Variants in YWHAZ observed in about 807,000 individuals in gnomAD.
The protein encoded by YWHAZ is tyrosine 3-monooxygenase/tryptophan 5-monooxygenase activation protein zeta.
For missense variants in YWHAZ, 79 were observed against 284.8 expected, an observed-to-expected ratio of 0.28 and a Z score of 5.20; for synonymous variants, 87 against 103.6, an observed-to-expected ratio of 0.84 and a Z score of 0.97.
intron 1 of YWHAZ, chr8:100,951,279 G>C (rs941892715): frequency 3.3e-5 from 32 of 984,564 alleles, no homozygotes; most frequent in South Asian, 2.8e-4. Context: ...GCCCGCTCTC[G>C]GCCAGGCCTT....
chr8:100,947,816 A>G (rs900251362), intron 2 of YWHAZ, among the ~76,000 whole-genome samples: 1 of 152,230 alleles, frequency 6.6e-6, no homozygotes, highest in Non-Finnish European at 1.5e-5. Context: ...ACCATTTAGT[A>G]AAACCACTTT....
chr8:100,920,821 A>T (rs1812973090), intron 5 of YWHAZ, 69 bp from the exon 6 acceptor site: 1 of 1,177,866 alleles, frequency 8.5e-7, no homozygotes, highest in African/African-American at 1.5e-5. Context: ...TTTTCATATA[A>T]GTGCCAAGAT....
chr8:100,945,248 C>T (rs1365266565), intron 2 of YWHAZ, among the ~76,000 whole-genome samples: 15 of 152,194 alleles, frequency 9.9e-5, no homozygotes, highest in Non-Finnish European at 1.5e-5. Flanking sequence ...TCTATTTACT[C>T]TTGTAATATG....
intron 5 of YWHAZ, 182 bp downstream of exon 5, chr8:100,923,773 T>G (rs1056922259): frequency 2.1e-6 from 1 of 479,662 alleles, no homozygotes; most frequent in African/African-American, 2.0e-5. Context: ...CAGTCTAATA[T>G]TTCAGTTTCT....
At position 100,948,228 on chromosome 8, in the gene YWHAZ, A is replaced by G. The variant is rs1810452901; in HGVS notation, c.294+368T>C. On this transcript the variant is annotated intron_variant, in intron 2 of 5. Coordinates refer to ENST00000395958, the MANE Select transcript of YWHAZ (RefSeq NM_145690.3). This position sits in a 1 kb window ranked among gnomAD's most constrained non-coding sequence, Gnocchi z 4.2. ...CTATTACATCTCTCTTACCTAAAGT[A>G]TGTAAAATTCCTTTATCCACAGATG... 8.2e-7 allele frequency: 1 copy of G among 1,226,348 alleles called. No homozygotes were observed. The allele number at this position is 1,226,348 out of a possible 1,614,324, so 76.0% of individuals were successfully genotyped here.
intron 1 of YWHAZ, among the ~76,000 whole-genome samples, chr8:100,949,572 A>C (rs1022184689): frequency 1.3e-5 from 2 of 152,146 alleles, no homozygotes; most frequent in Non-Finnish European, 2.9e-5. Flanking sequence ...CTAATGTCTC[A>C]ACTCTTTATC....
rs1051787289 is a variant in YWHAZ at position 100,918,117 on chromosome 8, C to G, written c.*2576G>C. The G allele has an allele frequency of 1.3e-5, 2 of 151,622 alleles. No homozygotes were observed. Among genetic ancestry groups the G allele is most frequent in the East Asian group, 3.9e-4 (2 of 5,132 alleles). 9.4% of individuals were successfully genotyped at this position (151,622 alleles called of 1,614,324 possible). On this transcript the variant is annotated 3_prime_UTR_variant, in exon 6 of 6. Coordinates refer to ENST00000395958, the MANE Select transcript of YWHAZ (RefSeq NM_145690.3). ...CAGCACTTTGGGAGGTTGAGATGGG[C>G]GGATTGCCTGAGGTCGGGAATTCAA...
rs397764448 is a variant in YWHAZ, at chr8:100,920,801, G to C, written c.679-49C>G. On this transcript the variant is annotated intron_variant, in intron 5 of 5. Coordinates refer to ENST00000395958, the MANE Select transcript of YWHAZ (RefSeq NM_145690.3). ...TCAGCAAGTTTCAGTGGGATGGGGG[G>C]GGGGGGGCGTTTTCATATAAGTGCC... 5.9e-5 allele frequency: 53 copies of C among 903,082 alleles called. 13 individuals carry two copies. The highest frequency in any genetic ancestry group is 1.9e-4 in the Admixed American group (9 of 47,188). The allele number at this position is 903,082 out of a possible 1,614,324, so 55.9% of individuals were successfully genotyped here.
intron 2 of YWHAZ, among the ~76,000 whole-genome samples, chr8:100,946,698 T>TA (rs1388905479): frequency 6.6e-6 from 1 of 152,156 alleles, no homozygotes; most frequent in African/African-American, 2.4e-5. Flanking sequence ...AGCGTGTTAG[T>TA]AAAAGGTAAA....
Position 100,937,998 on chromosome 8 carries a change from C to T in YWHAZ, c.294+10598G>A, listed in dbSNP as rs1184331462. On this transcript the variant is annotated intron_variant, in intron 2 of 5. Transcript: ENST00000395958. ...ATACAGAATTAGCTGGGCGTGGTGG[C>T]GCATGCCTGTAATCCCAGCTATCCA... 3.9e-5 allele frequency among the ~76,000 whole-genome samples: 6 copies of T among 152,182 alleles called. No individual in the cohort carries two copies. In the South Asian group the frequency reaches 1.2e-3, roughly 32 times the overall value.
intron 2 of YWHAZ, among the ~76,000 whole-genome samples, chr8:100,936,520 A>G (rs1487439593): frequency 6.6e-6 from 1 of 152,190 alleles, no homozygotes; most frequent in Non-Finnish European, 1.5e-5. Context: ...TTAATCATGA[A>G]GAATCACCAG....
At chr8:100,950,373 G>C (rs1435502216) in intron 1 of YWHAZ, 1 of 985,306 alleles carries the variant, frequency 1.0e-6, no homozygotes, top group Non-Finnish European at 1.2e-6. Flanking sequence ...TCTACACTGC[G>C]GGCAGGACTC....
rs565652914 is a variant in YWHAZ, at chr8:100,916,583, T to C, written c.*4110A>G. 1 of 152,340 alleles carries C rather than the reference T, an allele frequency of 6.6e-6. No homozygotes were observed. Among genetic ancestry groups the C allele is most frequent in the Non-Finnish European group, 1.5e-5 (1 of 68,030 alleles). The allele number at this position is 152,340 out of a possible 1,614,324, so 9.4% of individuals were successfully genotyped here. The stretch of plus-strand genomic sequence containing the variant: ...GCACAAACTGAAAATTCATAGGGTT[T>C]TAAATTCTAAAATTCGGAATACTAA... On this transcript the variant is annotated 3_prime_UTR_variant, in exon 6 of 6. Transcript: ENST00000395958.
chr8:100,924,820 A>G lies in YWHAZ; in HGVS notation c.418+96T>C. On this transcript the variant is annotated intron_variant, in intron 3 of 5. Coordinates refer to ENST00000395958, the MANE Select transcript of YWHAZ (RefSeq NM_145690.3). The surrounding 1 kb of genome is among the most constrained non-coding windows in gnomAD (Gnocchi z 5.7). ...ACTGCTACTCCTTATTCGGCACTCT[A>G]AGCAATTCAAAACAAGACATTATGT... 1 of 1,512,894 alleles carries G rather than the reference A, an allele frequency of 6.6e-7. No homozygotes were observed. 93.7% of individuals were successfully genotyped at this position (1,512,894 alleles called of 1,614,324 possible).
intron 2 of YWHAZ, among the ~76,000 whole-genome samples, chr8:100,933,825 T>A (rs758996530): frequency 6.6e-6 from 1 of 152,032 alleles, no homozygotes; most frequent in Non-Finnish European, 1.5e-5. Flanking sequence ...CTAAGCAATA[T>A]AGCAAGACCC....
upstream of YWHAZ, chr8:100,952,146 T>G (rs1351554101): frequency 1.0e-6 from 1 of 985,400 alleles, no homozygotes; most frequent in Admixed American, 6.1e-5. Context: ...AACCGTTGAT[T>G]GGTGCCCACA....
At chr8:100,932,117 T>C (rs1345823719) in intron 2 of YWHAZ, 1 of 152,184 alleles carries the variant, frequency 6.6e-6, no homozygotes, top group Non-Finnish European at 1.5e-5. Context: ...ATATTAGTAG[T>C]AGACATAATG....
At chr8:100,943,960 C>A (rs1428297095) in intron 2 of YWHAZ, among the ~76,000 whole-genome samples, 1 of 136,956 alleles carries the variant, frequency 7.3e-6, no homozygotes, top group Non-Finnish European at 1.5e-5. Context: ...GCACTCCAGC[C>A]TAGGCGACAG....
intron 1 of YWHAZ, chr8:100,951,171 A>G: frequency 1.0e-6 from 1 of 967,962 alleles, no homozygotes; most frequent in Non-Finnish European, 1.2e-6. Flanking sequence ...GGCGAGCCCC[A>G]CCCCAAAACC....
Sources: allele counts gnomAD v4.1 joint callset (sites outside exome capture counted in the v4.1 genomes callset), GRCh38; gene constraint gnomAD v4.1.1; non-coding constraint Gnocchi (gnomAD v3.1); transcripts MANE v1.5; gene names NCBI Gene and HGNC (gene_info 2026-07-23, HGNC 2026-07-21).